Variants in SEMA4D observed in about 807,000 individuals in gnomAD.
The protein encoded by SEMA4D is semaphorin 4D.
Under a neutral mutation model 74.8 loss-of-function variants are expected in SEMA4D, and 22 were observed. That is an observed-to-expected ratio of 0.29 (90% CI 0.21 to 0.42). The LOEUF (loss-of-function observed/expected upper bound fraction) is 0.42. Among genes scored for constraint, SEMA4D ranks in the 10% least tolerant of loss-of-function variants. The pLI, the probability that SEMA4D is intolerant of heterozygous loss-of-function variation, is 1.00. For missense variants in SEMA4D, 937 were observed against 1,118.4 expected, an observed-to-expected ratio of 0.84 and a Z score of 2.31; for synonymous variants, 445 against 463.7, an observed-to-expected ratio of 0.96 and a Z score of 0.52.
intron 2 of SEMA4D, among the ~76,000 whole-genome samples, chr9:89,417,887 C>G (rs1846067721): frequency 6.6e-6 from 1 of 152,202 alleles, no homozygotes; most frequent in Non-Finnish European, 1.5e-5. Flanking sequence ...CAGCACCCAC[C>G]TCCCCATGCC....
At chr9:89,470,642 T>C (rs1278945441) in intron 1 of SEMA4D, among the ~76,000 whole-genome samples, 1 of 152,126 alleles carries the variant, frequency 6.6e-6, no homozygotes, top group Non-Finnish European at 1.5e-5. Flanking sequence ...TGAAACCGCA[T>C]GTTCATAGAA....
chr9:89,398,546 C>T (rs570524687), intron 5 of SEMA4D, among the ~76,000 whole-genome samples: 1 of 152,358 alleles, frequency 6.6e-6, no homozygotes, highest in East Asian at 1.9e-4. Flanking sequence ...CCAAAAAAGG[C>T]TGTCATACTG....
chr9:89,421,506 T>TA (rs1446046561), intron 2 of SEMA4D, among the ~76,000 whole-genome samples: 1 of 152,230 alleles, frequency 6.6e-6, no homozygotes, highest in Non-Finnish European at 1.5e-5. Flanking sequence ...AGTATGGATA[T>TA]ACCCCATGTG....
chr9:89,476,557 A>C (rs2136087339), intron 1 of SEMA4D, among the ~76,000 whole-genome samples: 1 of 152,298 alleles, frequency 6.6e-6, no homozygotes, highest in African/African-American at 2.4e-5. Context: ...GAAGAGCAGA[A>C]AGTTCTGCCT....
chr9:89,451,225 A>G (rs574412976), intron 2 of SEMA4D, among the ~76,000 whole-genome samples: 6 of 152,204 alleles, frequency 3.9e-5, no homozygotes, highest in Admixed American at 2.0e-4. Context: ...TCTGGCTTCA[A>G]AATTAGGAGG....
chr9:89,381,468 A>C lies in SEMA4D; in HGVS notation c.1447-122T>G. On this transcript the variant is annotated intron_variant, in intron 13 of 15. Coordinates refer to ENST00000422704, the MANE Select transcript of SEMA4D (RefSeq NM_001371194.2). The surrounding 1 kb of genome is among the most constrained non-coding windows in gnomAD (Gnocchi z 4.6). The stretch of plus-strand genomic sequence containing the variant: ...TGTACCTTCAGGGGACATTGCAGTA[A>C]GGAGGAGAGGTACTCAGAACCAGAG... 1.1e-6 allele frequency: 1 copy of C among 942,692 alleles called. No homozygotes were observed. 58.4% of individuals were successfully genotyped at this position (942,692 alleles called of 1,614,324 possible). A position where few individuals can be genotyped will look rare whatever the true frequency, so the allele number is the denominator to read the frequency against.
intron 2 of SEMA4D, among the ~76,000 whole-genome samples, chr9:89,406,151 A>C (rs550219132): frequency 2.6e-5 from 4 of 152,274 alleles, no homozygotes; most frequent in African/African-American, 9.6e-5. Context: ...CTGCAGAGAG[A>C]GCTAAGATGT....
At chr9:89,450,890 G>A (rs2135419502) in intron 2 of SEMA4D, 1 of 470,692 alleles carries the variant, frequency 2.1e-6, no homozygotes. Context: ...CCCCAGTTTT[G>A]CAACCCACTC....
intron 11 of SEMA4D, among the ~76,000 whole-genome samples, chr9:89,387,963 C>G (rs1197052416): frequency 6.6e-6 from 1 of 152,190 alleles, no homozygotes; most frequent in Non-Finnish European, 1.5e-5. Flanking sequence ...ATGGCTAAAA[C>G]CAGGACAATT....
Position 89,383,543 on chromosome 9 carries a change from T to C in SEMA4D, c.1447-2197A>G, listed in dbSNP as rs572437184. ...CAGAGCAGAAGCCGAGGAGATGCAG[T>C]GTCCAGTGCAACCTGAGGTGCTGAG... On this transcript the variant is annotated intron_variant, in intron 13 of 15. Transcript: ENST00000422704. Among the ~76,000 whole-genome samples, 7 of 152,238 alleles carry C rather than the reference T, an allele frequency of 4.6e-5. No individual in the cohort carries two copies. In the South Asian group the frequency reaches 1.5e-3, roughly 32 times the overall value.
intron 1 of SEMA4D, among the ~76,000 whole-genome samples, chr9:89,471,653 G>C (rs1467881015): frequency 2.6e-5 from 4 of 151,758 alleles, no homozygotes; most frequent in South Asian, 2.1e-4. Context: ...TGCCAGCTCA[G>C]GTGCACACCA....
intron 2 of SEMA4D, among the ~76,000 whole-genome samples, chr9:89,428,246 G>A (rs1302637423): frequency 2.0e-5 from 3 of 152,206 alleles, no homozygotes; most frequent in Non-Finnish European, 1.5e-5. Flanking sequence ...ACCACCACTG[G>A]CCACCAGCTC....
chr9:89,416,256 G>A (rs946753405), intron 2 of SEMA4D, among the ~76,000 whole-genome samples: 6 of 152,202 alleles, frequency 3.9e-5, no homozygotes, highest in African/African-American at 1.4e-4. Flanking sequence ...CAAACTATGT[G>A]TGCACAGCTA....
At position 89,379,304 on chromosome 9, in the gene SEMA4D, T is replaced by C. The variant is rs761631439; in HGVS notation, c.1989A>G (p.Thr663=). 1 of 1,614,202 alleles carries C rather than the reference T, an allele frequency of 6.2e-7. No homozygotes were observed. The change falls in exon 16 of 16, where the codon ACA becomes ACG. Residue 663 remains threonine (T), a synonymous_variant. Transcript: ENST00000422704. ...CTTTGGTGGCAATCCTACTACCTTC[T>C]GTCTGAACAACTGACAAGGTGGGGG... ...VVAPTLSVVQ[T]EGSRIATKVL... is the part of the protein sequence containing the mutation.
At chr9:89,430,847 C>T (rs866608684) in intron 2 of SEMA4D, among the ~76,000 whole-genome samples, 6 of 151,758 alleles carry the variant, frequency 4.0e-5, no homozygotes, top group East Asian at 1.9e-4. Context: ...TGTGGTGGCT[C>T]GCGCCTGTAA....
downstream of SEMA4D, among the ~76,000 whole-genome samples, chr9:89,373,662 G>A (rs1192533446): frequency 6.6e-6 from 1 of 152,168 alleles, no homozygotes; most frequent in Non-Finnish European, 1.5e-5. Flanking sequence ...CAGCTACCAC[G>A]AAAACAGCCA....
rs1327113690 is a variant in SEMA4D at position 89,407,689 on chromosome 9, C to G, written c.-243-1990G>C. On this transcript the variant is annotated intron_variant, in intron 2 of 15. Transcript: ENST00000422704. Reference sequence around the variant, plus strand: ...AGGCCCACATTTTCATCATGGCCAGCAAGGCCATGGACAACCCTACTCTAC... The same window carrying G: ...AGGCCCACATTTTCATCATGGCCAGGAAGGCCATGGACAACCCTACTCTAC... 2.6e-5 allele frequency among the ~76,000 whole-genome samples: 4 copies of G among 152,168 alleles called. No homozygotes were observed. The South Asian group carries it at 6.2e-4, about 24-fold the overall frequency.
intron 2 of SEMA4D, among the ~76,000 whole-genome samples, chr9:89,436,832 A>G (rs1401742688): frequency 6.6e-6 from 1 of 152,222 alleles, no homozygotes; most frequent in African/African-American, 2.4e-5. Flanking sequence ...TGGGTGCCTG[A>G]GGACCCTGCA....
intron 2 of SEMA4D, among the ~76,000 whole-genome samples, chr9:89,448,267 G>A (rs1853465049): frequency 6.6e-6 from 1 of 152,200 alleles, no homozygotes; most frequent in African/African-American, 2.4e-5. Context: ...GTAAGCCATT[G>A]CCCCTGGCAT....
Sources: gnomAD v4.1 joint callset for allele counts (sites outside exome capture counted in the v4.1 genomes callset) on GRCh38, gnomAD v4.1.1 for gene constraint, Gnocchi (gnomAD v3.1) non-coding constraint, MANE v1.5 for transcripts, NCBI Gene and HGNC (gene_info 2026-07-23, HGNC 2026-07-21) for gene names.